The following ADGRG6 variants were observed in gnomAD, a reference collection of about 807,000 sequenced individuals.
ADGRG6 encodes the protein G-protein coupled receptor 126.
ADGRG6 carries 84 observed loss-of-function variants against 142.4 expected under a neutral mutation model. The ratio of observed to expected loss-of-function variants is 0.59; its 90% CI spans 0.49 to 0.71. The LOEUF (loss-of-function observed/expected upper bound fraction) is 0.71, where lower values mean the gene tolerates loss of function less well. Ranked by LOEUF, ADGRG6 falls within the 30% of genes least tolerant of loss-of-function variation. ADGRG6 has a pLI of 0.00. For synonymous variants in ADGRG6, 521 were observed against 520.5 expected (o/e 1.00, Z -0.01); for missense variants, 1,367 against 1,466.6 (o/e 0.93, Z 1.11).
At chr6:142,305,657 A>G (rs1443546218) in intron 1 of ADGRG6, among the ~76,000 whole-genome samples, 1 of 152,212 alleles carries the variant, frequency 6.6e-6, no homozygotes, top group Admixed American at 6.5e-5. Flanking sequence ...TATTAAAACA[A>G]GTATATTGAC....
chr6:142,408,003 A>G (rs577454345), intron 15 of ADGRG6, 147 bp from the exon 16 acceptor site: 3 of 510,562 alleles, frequency 5.9e-6, no homozygotes, highest in Non-Finnish European at 1.0e-5. Context: ...CCTTCAGGAA[A>G]GCCAGCAACT....
chr6:142,347,251 T>C (rs1779948727), intron 2 of ADGRG6, among the ~76,000 whole-genome samples: 2 of 152,160 alleles, frequency 1.3e-5, no homozygotes, highest in South Asian at 2.1e-4. Context: ...AGAGCTGATA[T>C]TCAGTTGTTT....
At chr6:142,385,190 A>G (rs532424343) in intron 6 of ADGRG6, among the ~76,000 whole-genome samples, 2 of 152,238 alleles carry the variant, frequency 1.3e-5, no homozygotes, top group South Asian at 4.2e-4. Context: ...TATTCACTCA[A>G]TCATGTCATT....
intron 11 of ADGRG6, chr6:142,400,819 A>C (rs1775481028): frequency 1.4e-5 from 6 of 443,020 alleles, no homozygotes; most frequent in East Asian, 3.7e-5. Context: ...AAGCCCTTTC[A>C]CAGAAAAACT....
At position 142,444,402 on chromosome 6, in the gene ADGRG6, C is replaced by G. The variant is rs1038839786; in HGVS notation, c.*887C>G. 2 of 152,144 alleles carry G rather than the reference C, an allele frequency of 1.3e-5. No individual in the cohort carries two copies. Among genetic ancestry groups the G allele is most frequent in the Admixed American group, 1.3e-4 (2 of 15,262 alleles). 9.4% of individuals were successfully genotyped at this position (152,144 alleles called of 1,614,324 possible). A position where few individuals can be genotyped will look rare whatever the true frequency, so the allele number is the denominator to read the frequency against. ...GCAAGCTGTATGCAGTGGAATTTTCCTTTTAGGAGACACACAATTAAGACT... is the reference window on the plus strand; with the variant it reads ...GCAAGCTGTATGCAGTGGAATTTTCGTTTTAGGAGACACACAATTAAGACT... On this transcript the variant is annotated 3_prime_UTR_variant, in exon 25 of 25. Coordinates refer to ENST00000367609, the MANE Select transcript of ADGRG6 (RefSeq NM_198569.3).
intron 4 of ADGRG6, among the ~76,000 whole-genome samples, chr6:142,374,627 T>C (rs1355361722): frequency 6.6e-6 from 1 of 152,160 alleles, no homozygotes; most frequent in East Asian, 1.9e-4. Context: ...TAAATGGGAA[T>C]GCTGATTTAT....
chr6:142,355,209 G>T lies in ADGRG6; in HGVS notation c.104-12360G>T, dbSNP rs58439971. On this transcript the variant is annotated intron_variant, in intron 2 of 24. Coordinates refer to ENST00000367609, the MANE Select transcript of ADGRG6 (RefSeq NM_198569.3). ...AAATTCTAAATTGGCATTTTTTTTT[G>T]AAATTTCCCTTTCAATTTTTCCGTA... 1.5e-3 allele frequency among the ~76,000 whole-genome samples: 231 copies of T among 150,042 alleles called. 1 individual carries two copies. Among genetic ancestry groups the T allele is most frequent in the African/African-American group, 5.4e-3 (223 of 40,918 alleles).
chr6:142,353,299 A>G (rs1780277172), intron 2 of ADGRG6, among the ~76,000 whole-genome samples: 1 of 152,120 alleles, frequency 6.6e-6, no homozygotes, highest in Non-Finnish European at 1.5e-5. Context: ...TTGCTACAGG[A>G]GGTCTAGAGG....
rs182040723 is a variant in ADGRG6, at chr6:142,415,182, T to C, written c.2669+86T>C. On this transcript the variant is annotated intron_variant, in intron 19 of 24. Coordinates refer to ENST00000367609, the MANE Select transcript of ADGRG6 (RefSeq NM_198569.3). ...TTGCCTCGGCTTTGAAAAACATTTA[T>C]ACACTGTAGGGTGGTTGAACGTTAA... 4.5e-3 allele frequency: 4,625 copies of C among 1,024,008 alleles called. 17 individuals are homozygous for C. Among genetic ancestry groups the C allele is most frequent in the Non-Finnish European group, 5.6e-3 (3,876 of 691,084 alleles). The allele number at this position is 1,024,008 out of a possible 1,614,324, so 63.4% of individuals were successfully genotyped here.
chr6:142,337,716 G>A (rs187563659), intron 2 of ADGRG6, among the ~76,000 whole-genome samples: 5 of 152,184 alleles, frequency 3.3e-5, no homozygotes. Context: ...AATGTTGGTT[G>A]CAGTCAAGTT....
At chr6:142,355,881 A>G (rs1380650735) in intron 2 of ADGRG6, among the ~76,000 whole-genome samples, 1 of 152,136 alleles carries the variant, frequency 6.6e-6, no homozygotes, top group African/African-American at 2.4e-5. Flanking sequence ...GGAAAGTTAT[A>G]ATTATAAAGT....
rs568028053 is a variant in ADGRG6, at chr6:142,369,526, C to T, written c.446-644C>T. Among the ~76,000 whole-genome samples the T allele has an allele frequency of 2.6e-4, 40 of 152,208 alleles. No individual in the cohort carries two copies. In the South Asian group the frequency reaches 6.6e-3, roughly 25 times the overall value. The stretch of plus-strand genomic sequence containing the variant: ...TGGAGTAGGAAACTCCATGGTCTGC[C>T]CTTTACTACTCAAAAACTGGCTTAT... On this transcript the variant is annotated intron_variant, in intron 3 of 24. Coordinates refer to ENST00000367609, the MANE Select transcript of ADGRG6 (RefSeq NM_198569.3).
chr6:142,411,333 A>T lies in ADGRG6; in HGVS notation c.2463A>T (p.Gly821=), dbSNP rs1776071575. ...NKSFGGWNTS[G]CVAHRDSDAS... is the part of the protein sequence containing the mutation. ...GTTTTGGAGGATGGAACACGTCAGG[A>T]TGTGTTGCACACAGAGATTCAGATG... The change falls in exon 18 of 25, where the codon GGA becomes GGT. Residue 821 remains glycine (G), a synonymous_variant. Coordinates refer to ENST00000367609, the MANE Select transcript of ADGRG6 (RefSeq NM_198569.3). 1.2e-6 allele frequency: 2 copies of T among 1,606,396 alleles called. No homozygotes were observed. The highest frequency in any genetic ancestry group is 1.7e-6 in the Non-Finnish European group (2 of 1,173,186).
intron 18 of ADGRG6, among the ~76,000 whole-genome samples, chr6:142,412,134 C>T (rs767086750): frequency 5.3e-5 from 8 of 152,178 alleles, no homozygotes; most frequent in African/African-American, 1.2e-4. Context: ...AGACGCACCA[C>T]GCATCCAGCG....
In ADGRG6 at chr6:142,417,380, A is replaced by C. The variant is rs1054175371; in HGVS notation, c.3035+11A>C. The C allele has an allele frequency of 6.1e-6, 8 of 1,308,564 alleles. 1 individual carries two copies. Among genetic ancestry groups the C allele is most frequent in the Middle Eastern group, 3.7e-4 (2 of 5,450 alleles). 81.1% of individuals were successfully genotyped at this position (1,308,564 alleles called of 1,614,324 possible). A position where few individuals can be genotyped will look rare whatever the true frequency, so the allele number is the denominator to read the frequency against. Reference sequence around the variant, plus strand: ...AAAAGGTGATGAATTGTAAGTAATAAAAACTTTTTGTGATGAGTAGATATC... The same window carrying C: ...AAAAGGTGATGAATTGTAAGTAATACAAACTTTTTGTGATGAGTAGATATC... On this transcript the variant is annotated intron_variant, in intron 21 of 24. Transcript: ENST00000367609.
intron 2 of ADGRG6, among the ~76,000 whole-genome samples, chr6:142,318,093 T>A (rs369320643): frequency 0.32 from 580 of 1,798 alleles, 51 homozygotes; most frequent in Non-Finnish European, 0.33. Flanking sequence ...ATATTTATAT[T>A]ATATATATTT....
At chr6:142,324,417 AC>A (rs1778662758) in intron 2 of ADGRG6, among the ~76,000 whole-genome samples, 1 of 152,038 alleles carries the variant, frequency 6.6e-6, no homozygotes. Context: ...TAAGAAATAA[AC>A]AAGCTGAAAA....
In ADGRG6 at chr6:142,385,813, A is replaced by G. The variant is rs187022030; in HGVS notation, c.1222+1970A>G. ...AGAGAATTACTTTTTCACCTTATGA[A>G]TACATGCTATTTAATGTCATGTCCT... On this transcript the variant is annotated intron_variant, in intron 6 of 24. Transcript: ENST00000367609. 4.1e-3 allele frequency among the ~76,000 whole-genome samples: 626 copies of G among 152,282 alleles called. 3 individuals carry two copies. The highest frequency in any genetic ancestry group is 0.014 in the African/African-American group (594 of 41,568).
chr6:142,397,724 G>C lies in ADGRG6; in HGVS notation c.1536G>C (p.Leu512Phe). The C allele has an allele frequency of 6.2e-7, 1 of 1,603,934 alleles. No individual in the cohort carries two copies. Among genetic ancestry groups the C allele is most frequent in the South Asian group, 1.1e-5 (1 of 89,420 alleles). Residue 512 changes from leucine (L) to phenylalanine (F), a missense_variant, in exon 10 of 25, where the codon TTG becomes TTC. Leu to Phe is a conservative substitution (Grantham distance 22). Transcript: ENST00000367609. Reference sequence around the variant, plus strand: ...ATAATGAGTCCTTGGATGAAGGCTTGAGGCTACATACAGTGAATGTGAGAC... The same window carrying C: ...ATAATGAGTCCTTGGATGAAGGCTTCAGGCTACATACAGTGAATGTGAGAC... The part of the protein sequence containing the change: ...LKNNESLDEG[L>F]RLHTVNVRQL...
Sources: gnomAD v4.1 joint callset for allele counts (sites outside exome capture counted in the v4.1 genomes callset) on GRCh38, gnomAD v4.1.1 for gene constraint, MANE v1.5 for transcripts, NCBI Gene and HGNC (gene_info 2026-07-23, HGNC 2026-07-21) for gene names.